Variants in TBC1D1 observed in about 807,000 individuals in gnomAD.
TBC1D1 encodes the protein TBC1 (tre-2/USP6, BUB2, cdc16) domain family, member 1.
A neutral mutation model predicts 125.6 loss-of-function variants in TBC1D1; 89 were observed. The ratio of observed to expected loss-of-function variants is 0.71; its 90% CI spans 0.60 to 0.85. The LOEUF is 0.85. TBC1D1 is among the 40% of genes least tolerant of loss of function. TBC1D1 has a pLI of 0.00. For missense variants in TBC1D1, 1,377 were observed against 1,469.2 expected, an observed-to-expected ratio of 0.94 and a Z score of 1.03; for synonymous variants, 565 against 564.1, an observed-to-expected ratio of 1.00 and a Z score of -0.02.
chr4:38,110,879 C>A, intron 15 of TBC1D1: 1 of 929,560 alleles, frequency 1.1e-6, no homozygotes, highest in Non-Finnish European at 1.3e-6. Context: ...TAGCATGCTT[C>A]TCCTATGGGG....
At chr4:38,053,115 C>A in intron 11 of TBC1D1, 1 of 1,498,308 alleles carries the variant, frequency 6.7e-7, no homozygotes, top group Non-Finnish European at 8.9e-7. Context: ...GCATCTCCTA[C>A]CGTAATGCCC....
At chr4:37,931,502 G>T (rs1341959557) in intron 2 of TBC1D1, among the ~76,000 whole-genome samples, 2 of 151,692 alleles carry the variant, frequency 1.3e-5, no homozygotes, top group Non-Finnish European at 2.9e-5. Flanking sequence ...TTTTGAGACG[G>T]ACTCTTGCTC....
intron 2 of TBC1D1, among the ~76,000 whole-genome samples, chr4:37,915,802 A>G (rs1719608174): frequency 6.6e-6 from 1 of 152,112 alleles, no homozygotes; most frequent in Non-Finnish European, 1.5e-5. Flanking sequence ...TTGTTCTTAG[A>G]AGCCACCCCT....
chr4:38,112,336 A>G (rs1762321004), intron 15 of TBC1D1, among the ~76,000 whole-genome samples: 1 of 152,254 alleles, frequency 6.6e-6, no homozygotes, highest in East Asian at 1.9e-4. Context: ...TGGCTCTGCA[A>G]AGTTGTTCCT....
intron 2 of TBC1D1, among the ~76,000 whole-genome samples, chr4:37,928,872 G>A (rs1262037120): frequency 4.6e-5 from 7 of 152,126 alleles, no homozygotes; most frequent in Admixed American, 6.5e-5. Context: ...CATTTTAGAC[G>A]AGTAATTCTT....
At chr4:37,964,128 T>C (rs1730605698) in intron 2 of TBC1D1, among the ~76,000 whole-genome samples, 1 of 152,254 alleles carries the variant, frequency 6.6e-6, no homozygotes, top group Non-Finnish European at 1.5e-5. Flanking sequence ...GCAATAGATA[T>C]TGAGTGGCTG....
intron 7 of TBC1D1, among the ~76,000 whole-genome samples, chr4:38,031,604 A>G (rs1295321491): frequency 6.6e-6 from 1 of 152,114 alleles, no homozygotes; most frequent in East Asian, 1.9e-4. Context: ...AGTGTTGGAA[A>G]TTGATTTATT....
intron 2 of TBC1D1, among the ~76,000 whole-genome samples, chr4:37,940,740 T>C (rs144513830): frequency 0.12 from 17,876 of 152,260 alleles, 1,121 homozygotes; most frequent in East Asian, 0.17. Context: ...TGAAGGGCTG[T>C]TGAATTTTGT....
chr4:38,042,629 T>A (rs1748614969), intron 8 of TBC1D1, among the ~76,000 whole-genome samples: 1 of 152,148 alleles, frequency 6.6e-6, no homozygotes, highest in South Asian at 2.1e-4. Flanking sequence ...TCACTATACG[T>A]CTTCAGGCTG....
intron 6 of TBC1D1, among the ~76,000 whole-genome samples, chr4:38,025,297 A>G (rs1744857041): frequency 6.6e-6 from 1 of 152,220 alleles, no homozygotes; most frequent in South Asian, 2.1e-4. Flanking sequence ...CATTCCCTCC[A>G]TAAGCCATTT....
rs201723790 is a variant in TBC1D1 at position 38,058,330 on chromosome 4, A to G, written c.2050+3992A>G. Among the ~76,000 whole-genome samples, 3 of 152,226 alleles carry G rather than the reference A, an allele frequency of 2.0e-5. No homozygotes were observed. The East Asian group carries it at 5.8e-4, about 29-fold the overall frequency. ...TAGCAGGTCTCCATATGTTCCTTCC[A>G]GCTGAGAGACATCACATCCAAAGAC... On this transcript the variant is annotated intron_variant, in intron 12 of 19. Transcript: ENST00000261439.
At chr4:38,127,940 C>T (rs1764926386) in intron 18 of TBC1D1, among the ~76,000 whole-genome samples, 1 of 152,138 alleles carries the variant, frequency 6.6e-6, no homozygotes, top group Non-Finnish European at 1.5e-5. Context: ...AACTACTCAC[C>T]TCTGCGACAG....
chr4:37,966,772 C>T (rs1401046915), intron 2 of TBC1D1, among the ~76,000 whole-genome samples: 3 of 152,154 alleles, frequency 2.0e-5, no homozygotes, highest in African/African-American at 7.2e-5. Flanking sequence ...CAGCCCCCTA[C>T]CCCCCAACAG....
chr4:38,097,474 G>A (rs1158304707), intron 14 of TBC1D1, among the ~76,000 whole-genome samples: 1 of 152,062 alleles, frequency 6.6e-6, no homozygotes, highest in East Asian at 1.9e-4. Context: ...TGAGTAGCTG[G>A]GACTACAGGT....
At chr4:38,031,311 T>A (rs1746085798) in intron 7 of TBC1D1, among the ~76,000 whole-genome samples, 2 of 152,254 alleles carry the variant, frequency 1.3e-5, no homozygotes, top group Non-Finnish European at 2.9e-5. Context: ...TGATAATTCA[T>A]TAAGTAACAT....
chr4:38,111,594 A>T (rs1404381372), intron 15 of TBC1D1, among the ~76,000 whole-genome samples: 1 of 152,226 alleles, frequency 6.6e-6, no homozygotes, highest in African/African-American at 2.4e-5. Flanking sequence ...GAATCCGCTG[A>T]ATTTTATTTG....
At chr4:38,029,637 G>T (rs1745758208) in intron 7 of TBC1D1, among the ~76,000 whole-genome samples, 1 of 152,178 alleles carries the variant, frequency 6.6e-6, no homozygotes, top group Non-Finnish European at 1.5e-5. Context: ...AAAGTGCTGG[G>T]ATTACAGCTG....
chr4:38,075,771 G>A (rs1268622352), intron 12 of TBC1D1, among the ~76,000 whole-genome samples: 1 of 152,166 alleles, frequency 6.6e-6, no homozygotes, highest in Non-Finnish European at 1.5e-5. Context: ...TTTATCTCTT[G>A]TCATCGGCCA....
intron 14 of TBC1D1, among the ~76,000 whole-genome samples, chr4:38,100,382 G>A (rs1318817396): frequency 2.0e-5 from 3 of 152,112 alleles, no homozygotes; most frequent in East Asian, 1.9e-4. Flanking sequence ...TTGTGGTCAC[G>A]GCACTCCAGC....
Sources: gnomAD v4.1 joint callset for allele counts (sites outside exome capture counted in the v4.1 genomes callset) on GRCh38, gnomAD v4.1.1 for gene constraint, MANE v1.5 for transcripts, NCBI Gene and HGNC (gene_info 2026-07-23, HGNC 2026-07-21) for gene names.